EARS2: variants seen among roughly 807,000 people sequenced by gnomAD.
EARS2 encodes the protein glutamyl-tRNA synthetase 2, mitochondrial, also known as nondiscriminating glutamyl-tRNA synthetase EARS2, mitochondrial.
A neutral mutation model predicts 54.1 loss-of-function variants in EARS2; 50 were observed. The observed-to-expected ratio is 0.92, with a 90% CI of 0.74 to 1.17. The LOEUF (loss-of-function observed/expected upper bound fraction) is 1.17, where lower values mean the gene tolerates loss of function less well. Ranked by LOEUF, EARS2 falls within the 50% of genes most tolerant of loss-of-function variation. The pLI is 0.00. For synonymous variants in EARS2, 298 were observed against 281.0 expected (o/e 1.06, Z -0.61); for missense variants, 673 against 675.0 (o/e 1.00, Z 0.03).
intron 8 of EARS2, chr16:23,524,919 AC>A: frequency 1.9e-6 from 1 of 530,742 alleles, no homozygotes; most frequent in Non-Finnish European, 3.3e-6. Flanking sequence ...TGCTGGGAAT[AC>A]AGGTGTGAGC....
chr16:23,532,828 CTTTTT>C, intron 4 of EARS2, 63 bp from the exon 5 acceptor site: 6 of 1,223,984 alleles, frequency 4.9e-6, no homozygotes, highest in South Asian at 2.6e-5. Flanking sequence ...CACTTTATCT[CTTTTT>C]TTTAAGAGAC....
chr16:23,531,055 ATTT>A (rs58745088), intron 5 of EARS2, among the ~76,000 whole-genome samples: 1 of 133,674 alleles, frequency 7.5e-6, no homozygotes, highest in Admixed American at 7.5e-5. Flanking sequence ...CGTCGGGCTG[ATTT>A]TTTTTTTTTT....
Position 23,535,686 on chromosome 16 carries a change from C to T in EARS2, c.486-326G>A, listed in dbSNP as rs551089633. ...GCTCCATGCCAGTGACCAGTCCAGG[C>T]AGGAATGTAACCCCATCCTAGTCAC... On this transcript the variant is annotated intron_variant, in intron 3 of 8. Coordinates refer to ENST00000449606, the MANE Select transcript of EARS2 (RefSeq NM_001083614.2). 4.3e-4 allele frequency among the ~76,000 whole-genome samples: 66 copies of T among 152,292 alleles called. 1 individual carries two copies. The highest frequency in any genetic ancestry group is 1.5e-3 in the African/African-American group (61 of 41,566).
chr16:23,539,247 T>C (rs531171741), intron 3 of EARS2, among the ~76,000 whole-genome samples: 11 of 152,258 alleles, frequency 7.2e-5, no homozygotes, highest in South Asian at 2.1e-4. Flanking sequence ...CCCAAAGTAA[T>C]AGTTTTTACA....
chr16:23,525,455 T>C (rs189999851), intron 7 of EARS2, 76 bp from the exon 8 acceptor site: 1 of 1,484,846 alleles, frequency 6.7e-7, no homozygotes, highest in East Asian at 2.3e-5. Flanking sequence ...TTCAGAAGGT[T>C]ATTGATCAGC....
In EARS2 at chr16:23,541,094, T is replaced by C. The variant is rs530631162; in HGVS notation, c.485+3420A>G. Among the ~76,000 whole-genome samples, 30 of 152,150 alleles carry C rather than the reference T, an allele frequency of 2.0e-4. No individual in the cohort carries two copies. In the East Asian group the frequency reaches 5.6e-3, roughly 28 times the overall value. On this transcript the variant is annotated intron_variant, in intron 3 of 8. Transcript: ENST00000449606. ...CTTTGGGAGGCCACTTGAGGATCAC[T>C]TGGGCAGATCACTTGAGGTCAGGAG...
At chr16:23,540,199 G>A (rs1301945296) in intron 3 of EARS2, among the ~76,000 whole-genome samples, 3 of 152,088 alleles carry the variant, frequency 2.0e-5, no homozygotes, top group East Asian at 3.9e-4. Flanking sequence ...GTACATGGCT[G>A]TGGTCACAGC....
Position 23,544,675 on chromosome 16 carries a change from C to A in EARS2, c.324G>T (p.Arg108=). The A allele has an allele frequency of 1.2e-6, 2 of 1,606,878 alleles. No homozygotes were observed. Among genetic ancestry groups the A allele is most frequent in the Non-Finnish European group, 1.7e-6 (2 of 1,177,704 alleles). ...GCTGGTAGGGCCCAGCAGGACCGCC[C>A]CGGCGGGGGCTCTCATCAGGCGGGA... ...AGIPPDESPR[R]GGPAGPYQQS... is the part of the protein sequence containing the mutation. The change falls in exon 3 of 9, where the codon CGG becomes CGT. Residue 108 remains arginine, a synonymous_variant. Transcript: ENST00000449606.
At chr16:23,526,404 G>C (rs559054674) in intron 7 of EARS2, among the ~76,000 whole-genome samples, 1 of 152,148 alleles carries the variant, frequency 6.6e-6, no homozygotes, top group African/African-American at 2.4e-5. Context: ...GATTATAGGC[G>C]TGAGCCACCA....
rs1320984565 is a variant in EARS2 at position 23,535,209 on chromosome 16, C to T, written c.637G>A (p.Val213Met). The change falls in exon 4 of 9, where the codon GTG (valine) becomes ATG (methionine). Residue 213 changes from valine (V) to methionine (M), a missense_variant. Transcript: ENST00000449606. ...TTCATGATGACTGGGTCTCCCTCCA[C>T]GCTGGCCACTTCATGCCTATTCCAG... ...YGWNRHEVAS[V>M]EGDPVIMKSD... 5.6e-6 allele frequency: 9 copies of T among 1,613,602 alleles called. No individual in the cohort carries two copies. Among genetic ancestry groups the T allele is most frequent in the African/African-American group, 2.7e-5 (2 of 74,932 alleles).
At chr16:23,557,099 C>A in intron 1 of EARS2, 106 bp downstream of exon 1, 1 of 1,445,892 alleles carries the variant, frequency 6.9e-7, no homozygotes, top group Non-Finnish European at 9.1e-7. Context: ...AACCCTCCTC[C>A]GCCCGCCCAC....
At chr16:23,531,543 G>C (rs537623808) in intron 5 of EARS2, among the ~76,000 whole-genome samples, 1 of 152,100 alleles carries the variant, frequency 6.6e-6, no homozygotes, top group Non-Finnish European at 1.5e-5. Context: ...TTACAGGTGT[G>C]AGCCACCATG....
chr16:23,529,681 G>T, intron 6 of EARS2, 49 bp from the exon 7 acceptor site: 1 of 1,612,872 alleles, frequency 6.2e-7, no homozygotes, highest in Middle Eastern at 1.7e-4. Context: ...GGCTCTGGAA[G>T]GCAGGAGGAA....
intron 3 of EARS2, among the ~76,000 whole-genome samples, chr16:23,542,573 C>A (rs1965533878): frequency 6.6e-6 from 1 of 151,942 alleles, no homozygotes; most frequent in South Asian, 2.1e-4. Context: ...CTCAGCCTCC[C>A]AAAGTGCTGG....
chr16:23,549,080 T>A (rs1305270174), intron 2 of EARS2, among the ~76,000 whole-genome samples: 2 of 152,040 alleles, frequency 1.3e-5, no homozygotes, highest in Admixed American at 6.6e-5. Context: ...AAGCTGCGGG[T>A]GACGGGAATA....
chr16:23,525,511 G>C (rs930449226), intron 7 of EARS2, 132 bp from the exon 8 acceptor site: 43 of 1,077,368 alleles, frequency 4.0e-5, no homozygotes, highest in Non-Finnish European at 5.6e-5. Flanking sequence ...TTTTGAGGGA[G>C]GTGAGGAAGA....
At position 23,521,778 on chromosome 16, in the gene EARS2, G is replaced by A. The variant is rs530073420; in HGVS notation, c.*2593C>T. 1.1e-5 allele frequency: 5 copies of A among 455,950 alleles called. No individual in the cohort carries two copies. Among genetic ancestry groups the A allele is most frequent in the South Asian group, 7.7e-5 (5 of 64,562 alleles). The allele number at this position is 455,950 out of a possible 1,614,324, so 28.2% of individuals were successfully genotyped here. A position where few individuals can be genotyped will look rare whatever the true frequency, so the allele number is the denominator to read the frequency against. On this transcript the variant is annotated 3_prime_UTR_variant, in exon 9 of 9. Coordinates refer to ENST00000449606, the MANE Select transcript of EARS2 (RefSeq NM_001083614.2). ...ACTTAGTATTTTGACCACTCACTTT[G>A]TTAAAAACACTCACTTGACCATGAG...
intron 2 of EARS2, chr16:23,546,510 G>A: frequency 4.4e-6 from 2 of 449,936 alleles, no homozygotes; most frequent in Non-Finnish European, 8.9e-6. Context: ...TCTAAGTAAA[G>A]TACTCATCAA....
Position 23,524,419 on chromosome 16 carries a change from C to T in EARS2, c.1524G>A (p.Leu508=). The change falls in exon 9 of 9, where the codon TTG becomes TTA. Residue 508 remains leucine (L), a synonymous_variant. Transcript: ENST00000449606. ...TCCGTTCCCGTACTTCCTTTGGTCCCAAGGCCAACATCATCTCAGCTACAG... is the reference window on the plus strand; with the variant it reads ...TCCGTTCCCGTACTTCCTTTGGTCCTAAGGCCAACATCATCTCAGCTACAG... The part of the protein sequence containing the change: ...GPPVAEMMLA[L]GPKEVRERIQ... The T allele has an allele frequency of 6.2e-7, 1 of 1,614,184 alleles. No homozygotes were observed. The highest frequency in any genetic ancestry group is 8.5e-7 in the Non-Finnish European group (1 of 1,180,036).
Sources: allele counts gnomAD v4.1 joint callset (sites outside exome capture counted in the v4.1 genomes callset), GRCh38; gene constraint gnomAD v4.1.1; transcripts MANE v1.5; gene names NCBI Gene and HGNC (gene_info 2026-07-23, HGNC 2026-07-21).